MACROH2A1: variants seen among roughly 807,000 people sequenced by gnomAD.
MACROH2A1 encodes core histone macro-H2A.1.
In MACROH2A1, 2 loss-of-function variants were observed where a neutral mutation model predicts 31.6. The observed-to-expected ratio is 0.06, with a 90% CI of 0.03 to 0.20. MACROH2A1 has a LOEUF of 0.20. Ranked by LOEUF, MACROH2A1 falls within the 10% of genes least tolerant of loss-of-function variation. The pLI is 1.00. For missense variants in MACROH2A1, 230 were observed against 474.0 expected, an observed-to-expected ratio of 0.49 and a Z score of 4.78; for synonymous variants, 169 against 189.6, an observed-to-expected ratio of 0.89 and a Z score of 0.89.
chr5:135,386,691 G>A (rs143125017), intron 2 of MACROH2A1, among the ~76,000 whole-genome samples: 38 of 152,286 alleles, frequency 2.5e-4, no homozygotes, highest in Non-Finnish European at 1.2e-4. Flanking sequence ...ATCCACCTCA[G>A]GAGCACTGGG....
At position 135,369,971 on chromosome 5, in the gene MACROH2A1, G is replaced by T; in HGVS notation, c.279+65C>A. The T allele has an allele frequency of 9.5e-7, 1 of 1,050,910 alleles. No individual in the cohort carries two copies. Among genetic ancestry groups the T allele is most frequent in the Non-Finnish European group, 1.5e-6 (1 of 685,730 alleles). 65.1% of individuals were successfully genotyped at this position (1,050,910 alleles called of 1,614,324 possible). A position where few individuals can be genotyped will look rare whatever the true frequency, so the allele number is the denominator to read the frequency against. On this transcript the variant is annotated intron_variant, in intron 3 of 8. Coordinates refer to ENST00000511689, the MANE Select transcript of MACROH2A1 (RefSeq NM_138610.3). This position sits in a 1 kb window ranked among gnomAD's most constrained non-coding sequence, Gnocchi z 4.3. ...AACCAGCCAACACCAAAGCCTCTCA[G>T]CTATGTTTCTTGGGCAGTATGACCA...
chr5:135,399,497 C>G (rs1768560284), upstream of MACROH2A1: 1 of 152,086 alleles, frequency 6.6e-6, no homozygotes, highest in Non-Finnish European at 1.5e-5. The surrounding 1 kb of genome is among the most constrained non-coding windows in gnomAD (Gnocchi z 4.5). Flanking sequence ...TTCTTCAGGG[C>G]GCGTCCCAGA....
chr5:135,357,648 T>C (rs575478126), intron 5 of MACROH2A1: 2 of 693,908 alleles, frequency 2.9e-6, no homozygotes, highest in East Asian at 2.6e-4. Flanking sequence ...GAAATGTTTT[T>C]TCTGAAAATT....
chr5:135,348,881 C>T (rs1761180586), intron 6 of MACROH2A1, among the ~76,000 whole-genome samples: 1 of 152,312 alleles, frequency 6.6e-6, no homozygotes, highest in Non-Finnish European at 1.5e-5. Context: ...GGCTTGGAAG[C>T]TAATAATTCC....
chr5:135,379,958 G>A (rs1029004631), intron 2 of MACROH2A1, among the ~76,000 whole-genome samples: 2 of 152,084 alleles, frequency 1.3e-5, no homozygotes, highest in African/African-American at 4.8e-5. Flanking sequence ...ACGCCCTACT[G>A]TTTGCCAGCA....
intron 1 of MACROH2A1, among the ~76,000 whole-genome samples, chr5:135,393,802 G>A (rs933045623): frequency 7.2e-5 from 11 of 152,128 alleles, no homozygotes; most frequent in Admixed American, 6.5e-4. Context: ...GATCTTGAAG[G>A]GATCTCTGTG....
intron 4 of MACROH2A1, among the ~76,000 whole-genome samples, chr5:135,363,247 T>C (rs779408637): frequency 7.2e-5 from 11 of 151,872 alleles, no homozygotes; most frequent in Non-Finnish European, 1.6e-4. Flanking sequence ...AGTTCCTGAT[T>C]AAACGACTGG....
At chr5:135,346,621 G>A (rs1249883621) in intron 6 of MACROH2A1, 1 of 152,332 alleles carries the variant, frequency 6.6e-6, no homozygotes, top group Non-Finnish European at 1.5e-5. Flanking sequence ...GGTGTCATAT[G>A]CAAATACAAA....
At chr5:135,385,076 G>C (rs2149935903) in intron 2 of MACROH2A1, among the ~76,000 whole-genome samples, 1 of 152,282 alleles carries the variant, frequency 6.6e-6, no homozygotes, top group South Asian at 2.1e-4. Context: ...TCTCCCACAG[G>C]GGCCTTTGGA....
intron 1 of MACROH2A1, among the ~76,000 whole-genome samples, chr5:135,394,608 T>C (rs944930918): frequency 1.3e-5 from 2 of 152,228 alleles, no homozygotes; most frequent in Non-Finnish European, 2.9e-5. Flanking sequence ...CTTAGTCTTA[T>C]ATACAGTACT....
intron 2 of MACROH2A1, among the ~76,000 whole-genome samples, chr5:135,375,290 C>T (rs1021726073): frequency 1.3e-5 from 2 of 152,166 alleles, no homozygotes; most frequent in East Asian, 1.9e-4. Flanking sequence ...CTGGGCCAAA[C>T]GTTCCCCAGC....
chr5:135,345,866 T>C, intron 7 of MACROH2A1, 102 bp downstream of exon 7: 1 of 773,872 alleles, frequency 1.3e-6, no homozygotes, highest in Non-Finnish European at 2.3e-6. Flanking sequence ...AAGATGCGGC[T>C]GTGCTGCCAC....
intron 5 of MACROH2A1, chr5:135,355,603 G>C: frequency 4.7e-6 from 1 of 210,556 alleles, no homozygotes; most frequent in Non-Finnish European, 9.7e-6. Flanking sequence ...GAAGAGAATG[G>C]GAAGGGGAGA....
In MACROH2A1 at chr5:135,381,869, G is replaced by A. The variant is rs146295515; in HGVS notation, c.172+7053C>T. ...AAGACAGAGTAAAATACTAACGTATGCTTAATCTGTGTTCCATAAGAAGTG... is the reference window on the plus strand; with the variant it reads ...AAGACAGAGTAAAATACTAACGTATACTTAATCTGTGTTCCATAAGAAGTG... On this transcript the variant is annotated intron_variant, in intron 2 of 8. Coordinates refer to ENST00000511689, the MANE Select transcript of MACROH2A1 (RefSeq NM_138610.3). Among the ~76,000 whole-genome samples the A allele has an allele frequency of 1.1e-3, 174 of 152,318 alleles. 1 individual carries two copies. The East Asian group carries it at 0.017, about 15-fold the overall frequency.
intron 4 of MACROH2A1, among the ~76,000 whole-genome samples, chr5:135,365,755 CA>C (rs1375733034): frequency 6.6e-6 from 1 of 152,230 alleles, no homozygotes; most frequent in Admixed American, 6.5e-5. Flanking sequence ...CTCTTTGCCT[CA>C]GTAAGTTCAC....
intron 2 of MACROH2A1, among the ~76,000 whole-genome samples, chr5:135,387,796 T>C (rs1387290127): frequency 6.6e-6 from 1 of 152,118 alleles, no homozygotes; most frequent in Admixed American, 6.5e-5. Context: ...AGATTGTATC[T>C]GTGAACAGGA....
At chr5:135,335,705 C>A (rs774387685) in intron 8 of MACROH2A1, among the ~76,000 whole-genome samples, 1 of 152,170 alleles carries the variant, frequency 6.6e-6, no homozygotes, top group Non-Finnish European at 1.5e-5. Flanking sequence ...GGGCTATCAT[C>A]CAAGTTTCCA....
At chr5:135,338,001 A>G (rs1226529920) in intron 8 of MACROH2A1, 1 of 1,198,132 alleles carries the variant, frequency 8.3e-7, no homozygotes, top group East Asian at 7.1e-5. Context: ...GCTGCCAGGA[A>G]GGAATGGCGG....
intron 8 of MACROH2A1, among the ~76,000 whole-genome samples, chr5:135,342,019 C>T (rs1171567271): frequency 1.3e-5 from 2 of 152,240 alleles, no homozygotes; most frequent in African/African-American, 4.8e-5. Flanking sequence ...CAATACAGAA[C>T]CCCAGGTTAT....
Sources: allele counts gnomAD v4.1 joint callset (sites outside exome capture counted in the v4.1 genomes callset), GRCh38; gene constraint gnomAD v4.1.1; non-coding constraint Gnocchi (gnomAD v3.1); transcripts MANE v1.5; gene names NCBI Gene and HGNC (gene_info 2026-07-23, HGNC 2026-07-21).